The following CHMP4C variants were observed in gnomAD, a reference collection of about 807,000 sequenced individuals.
CHMP4C encodes the protein SNF7 homolog associated with Alix 3.
Under a neutral mutation model 29.0 loss-of-function variants are expected in CHMP4C, and 28 were observed. That is an observed-to-expected ratio of 0.97 (90% confidence interval 0.72 to 1.32). The LOEUF is 1.32. CHMP4C is among the 40% of genes most tolerant of loss of function. The pLI is 0.00. For missense variants in CHMP4C, 291 were observed against 281.0 expected (o/e 1.04, Z -0.25); for synonymous variants, 106 against 102.4 (o/e 1.04, Z -0.21).
At chr8:81,734,930 A>G (rs1016958776) in intron 1 of CHMP4C, among the ~76,000 whole-genome samples, 4 of 150,906 alleles carry the variant, frequency 2.7e-5, no homozygotes, top group Non-Finnish European at 5.9e-5. Context: ...ATCTTACTCT[A>G]TCGCCCAGGC....
chr8:81,750,446 T>TA (rs60937204), intron 1 of CHMP4C, among the ~76,000 whole-genome samples: 16,051 of 142,096 alleles, frequency 0.11, 968 homozygotes, highest in East Asian at 0.24. Context: ...ACAAAAAAAT[T>TA]AAAAAAAAAA....
At chr8:81,755,633 G>T in intron 3 of CHMP4C, 149 bp downstream of exon 3, 1 of 497,170 alleles carries the variant, frequency 2.0e-6, no homozygotes, top group Non-Finnish European at 3.6e-6. Context: ...TAAAGTGTTA[G>T]TACCTCTGAT....
chr8:81,738,277 C>T (rs1303336501), intron 1 of CHMP4C, among the ~76,000 whole-genome samples: 1 of 152,102 alleles, frequency 6.6e-6, no homozygotes, highest in Admixed American at 6.6e-5. Context: ...GCAAATTTGG[C>T]CAAAACCCCT....
rs762727692 is a variant in CHMP4C, at chr8:81,758,466, A to G, written c.638-14A>G. On this transcript the variant is annotated splice_polypyrimidine_tract_variant and intron_variant, in intron 4 of 4. Transcript: ENST00000297265. ...TGTCACCAATTACTAATTTTTATCT[A>G]TTTTATGTTCCAGCATCTTCCCAGA... 2 of 1,606,748 alleles carry G rather than the reference A, an allele frequency of 1.2e-6. No homozygotes were observed. Among genetic ancestry groups the G allele is most frequent in the African/African-American group, 1.3e-5 (1 of 74,734 alleles).
At chr8:81,740,942 C>T (rs1267723234) in intron 1 of CHMP4C, among the ~76,000 whole-genome samples, 1 of 152,072 alleles carries the variant, frequency 6.6e-6, no homozygotes, top group African/African-American at 2.4e-5. Flanking sequence ...AGTCAGTATC[C>T]AGCAACCAAA....
At chr8:81,741,625 G>T (rs962505881) in intron 1 of CHMP4C, among the ~76,000 whole-genome samples, 2 of 151,936 alleles carry the variant, frequency 1.3e-5, no homozygotes, top group Non-Finnish European at 2.9e-5. Context: ...GGGTAAGAAT[G>T]ATCTATTTTG....
intron 1 of CHMP4C, among the ~76,000 whole-genome samples, chr8:81,744,927 A>T (rs778525382): frequency 2.0e-5 from 3 of 152,226 alleles, no homozygotes; most frequent in Non-Finnish European, 4.4e-5. Flanking sequence ...AGTGAAATTC[A>T]TAATGGGATG....
rs138969817 is a variant in CHMP4C at position 81,744,334 on chromosome 8, T to C, written c.191-8730T>C. Among the ~76,000 whole-genome samples, 185 of 152,310 alleles carry C rather than the reference T, an allele frequency of 1.2e-3. 1 individual carries two copies. In the Middle Eastern group the frequency reaches 0.017, roughly 14 times the overall value. On this transcript the variant is annotated intron_variant, in intron 1 of 4. Transcript: ENST00000297265. Reference sequence around the variant, plus strand: ...TGAGATTTGTAGTAGGAGAAAGGGTTGGGGGTGGAAGGAACCCATTGTGTA... The same window carrying C: ...TGAGATTTGTAGTAGGAGAAAGGGTCGGGGGTGGAAGGAACCCATTGTGTA...
At chr8:81,756,488 A>T (rs183672053) in intron 3 of CHMP4C, among the ~76,000 whole-genome samples, 1 of 152,288 alleles carries the variant, frequency 6.6e-6, no homozygotes, top group Non-Finnish European at 1.5e-5. Flanking sequence ...GCTTATGTGG[A>T]CATCTGGGCT....
intron 1 of CHMP4C, among the ~76,000 whole-genome samples, chr8:81,752,460 G>T (rs1422656836): frequency 6.6e-6 from 1 of 152,128 alleles, no homozygotes; most frequent in Non-Finnish European, 1.5e-5. Flanking sequence ...TCTCACCATT[G>T]TGCCATCTAA....
At chr8:81,737,275 C>T (rs1396390764) in intron 1 of CHMP4C, among the ~76,000 whole-genome samples, 1 of 152,180 alleles carries the variant, frequency 6.6e-6, no homozygotes, top group Admixed American at 6.5e-5. Flanking sequence ...GAGTGGGGAT[C>T]AGGCATCTGT....
intron 1 of CHMP4C, among the ~76,000 whole-genome samples, chr8:81,742,517 AAGTACTTTGG>A (rs1303987648): frequency 6.6e-6 from 1 of 152,222 alleles, no homozygotes; most frequent in Non-Finnish European, 1.5e-5. Flanking sequence ...AACATTTAAG[AAGTACTTTGG>A]ACATTTTATT....
At position 81,748,556 on chromosome 8, in the gene CHMP4C, C is replaced by G. The variant is rs1466368145; in HGVS notation, c.191-4508C>G. Among the ~76,000 whole-genome samples the G allele has an allele frequency of 2.0e-5, 3 of 152,114 alleles. No individual in the cohort carries two copies. In the East Asian group the frequency reaches 5.8e-4, roughly 29 times the overall value. On this transcript the variant is annotated intron_variant, in intron 1 of 4. Transcript: ENST00000297265. ...TTCTTCTGTCATGGCTTCAGCCAGT[C>G]CCTCCATTTGGGGTCCCTGACTTCC...
intron 1 of CHMP4C, among the ~76,000 whole-genome samples, chr8:81,746,935 G>A (rs112326604): frequency 1.7e-3 from 254 of 152,264 alleles, no homozygotes; most frequent in Non-Finnish European, 2.7e-3. Flanking sequence ...GCCACTGAAC[G>A]AAACATTTTA....
intron 1 of CHMP4C, 52 bp downstream of exon 1, chr8:81,732,868 C>T: frequency 1.3e-6 from 2 of 1,540,700 alleles, no homozygotes; most frequent in Non-Finnish European, 1.8e-6. Flanking sequence ...CTAGCCTTTC[C>T]CTTGGGGACA....
chr8:81,738,121 T>C (rs1470881523), intron 1 of CHMP4C, among the ~76,000 whole-genome samples: 2 of 152,192 alleles, frequency 1.3e-5, no homozygotes, highest in Non-Finnish European at 2.9e-5. Flanking sequence ...TTGCCTCTTT[T>C]TCCCCCTCAT....
At chr8:81,750,673 G>T (rs1808890101) in intron 1 of CHMP4C, among the ~76,000 whole-genome samples, 1 of 151,942 alleles carries the variant, frequency 6.6e-6, no homozygotes, top group African/African-American at 2.4e-5. Context: ...CATTTCAAAA[G>T]AGAGAAAACA....
chr8:81,744,361 T>C (rs1808798068), intron 1 of CHMP4C, among the ~76,000 whole-genome samples: 1 of 152,228 alleles, frequency 6.6e-6, no homozygotes, highest in South Asian at 2.1e-4. Flanking sequence ...CATTGTGTAA[T>C]ACCTTTTTCA....
At chr8:81,746,023 AC>A (rs1278855746) in intron 1 of CHMP4C, among the ~76,000 whole-genome samples, 1 of 152,178 alleles carries the variant, frequency 6.6e-6, no homozygotes, top group Non-Finnish European at 1.5e-5. Context: ...TTATTAGGGA[AC>A]AAGGTTAAGG....
Sources: allele counts gnomAD v4.1 joint callset (sites outside exome capture counted in the v4.1 genomes callset), GRCh38; gene constraint gnomAD v4.1.1; transcripts MANE v1.5; gene names NCBI Gene and HGNC (gene_info 2026-07-23, HGNC 2026-07-21).